SGCG: variants seen among roughly 807,000 people sequenced by gnomAD.
SGCG encodes the protein sarcoglycan gamma, also known as gamma-sarcoglycan.
A neutral mutation model predicts 29.3 loss-of-function variants in SGCG; 26 were observed. The observed-to-expected ratio is 0.89, with a 90% CI of 0.65 to 1.23. The LOEUF is 1.23. SGCG is among the 50% of genes most tolerant of loss of function. The probability of loss-of-function intolerance (pLI) is 0.00; values close to 1 mark genes in which losing one functional copy is unlikely to be tolerated. For synonymous variants in SGCG, 145 were observed against 129.7 expected (o/e 1.12, Z -0.80); for missense variants, 353 against 356.0 (o/e 0.99, Z 0.07).
upstream of SGCG, among the ~76,000 whole-genome samples, chr13:23,177,674 C>T (rs568874979): frequency 7.5e-4 from 109 of 146,204 alleles, no homozygotes; most frequent in Non-Finnish European, 1.3e-3. Context: ...CAGGTTCAAG[C>T]GATTGTCCTG....
At chr13:23,185,003 G>T (rs1050083906) in intron 1 of SGCG, among the ~76,000 whole-genome samples, 1 of 152,184 alleles carries the variant, frequency 6.6e-6, no homozygotes, top group Non-Finnish European at 1.5e-5. Context: ...AATAACAAGA[G>T]TAACACCAGT....
chr13:23,243,026 ATAGAT>A (rs1272607269), intron 3 of SGCG, among the ~76,000 whole-genome samples: 2 of 152,206 alleles, frequency 1.3e-5, no homozygotes, highest in African/African-American at 4.8e-5. Flanking sequence ...TCTTAAAAAT[ATAGAT>A]TAAAGAGCAA....
At chr13:23,195,929 A>G (rs12856752) in intron 1 of SGCG, among the ~76,000 whole-genome samples, 68,437 of 151,388 alleles carry the variant, frequency 0.45, 15,644 homozygotes, top group Admixed American at 0.51. Flanking sequence ...TATCAATTCT[A>G]TAAATTGAAA....
At chr13:23,191,532 A>G (rs1408978058) in intron 1 of SGCG, among the ~76,000 whole-genome samples, 1 of 151,848 alleles carries the variant, frequency 6.6e-6, no homozygotes, top group African/African-American at 2.4e-5. Context: ...TGCATCCTAG[A>G]CCTGTGCTGG....
At chr13:23,165,599 A>G in the SGCG span, among the ~76,000 whole-genome samples, 1 of 150,670 alleles carries the variant, frequency 6.6e-6, no homozygotes, top group South Asian at 2.1e-4. Context: ...GTGTGCGTTC[A>G]CTGCAACCTC....
chr13:23,242,614 C>T (rs1482519336), intron 3 of SGCG, among the ~76,000 whole-genome samples: 3 of 152,134 alleles, frequency 2.0e-5, no homozygotes, highest in Admixed American at 6.5e-5. Flanking sequence ...AAAATGTTCT[C>T]CTTATACCTT....
rs531146696 is a variant in SGCG, at chr13:23,252,563, C to T, written c.385+1846C>T. On this transcript the variant is annotated intron_variant, in intron 4 of 7. Coordinates refer to ENST00000218867, the MANE Select transcript of SGCG (RefSeq NM_000231.3). ...AAAATTAGCCGGGCGTGGTGGCGGT[C>T]GCCTGTAGTCTCAGCTACTTGGGCG... Among the ~76,000 whole-genome samples the T allele has an allele frequency of 1.2e-4, 19 of 152,052 alleles. No homozygotes were observed. In the East Asian group the frequency reaches 1.6e-3, roughly 12 times the overall value.
intron 6 of SGCG, among the ~76,000 whole-genome samples, chr13:23,314,271 A>G (rs1163802677): frequency 6.7e-6 from 1 of 148,360 alleles, no homozygotes; most frequent in Non-Finnish European, 1.5e-5. Context: ...AGAGGGACAG[A>G]ACTAATAAGA....
chr13:23,243,874 C>G (rs1389386549), intron 3 of SGCG: 2 of 152,112 alleles, frequency 1.3e-5, no homozygotes, highest in Non-Finnish European at 2.9e-5. Context: ...AACTCATTAT[C>G]ATGCTAATTA....
At chr13:23,248,685 C>T (rs1879828677) in intron 3 of SGCG, among the ~76,000 whole-genome samples, 3 of 143,602 alleles carry the variant, frequency 2.1e-5, no homozygotes, top group South Asian at 4.5e-4. Flanking sequence ...CGGAACTAGA[C>T]TCCGTCTCAA....
At chr13:23,192,700 G>A (rs1877325941) in intron 1 of SGCG, among the ~76,000 whole-genome samples, 1 of 152,152 alleles carries the variant, frequency 6.6e-6, no homozygotes, top group Non-Finnish European at 1.5e-5. Flanking sequence ...CCGGCTGGTA[G>A]GGTCTTTATT....
At chr13:23,276,787 G>C (rs904465251) in intron 4 of SGCG, among the ~76,000 whole-genome samples, 10 of 152,196 alleles carry the variant, frequency 6.6e-5, no homozygotes, top group Admixed American at 3.9e-4. Context: ...GTCTCCGGAC[G>C]CTGCTCTTAG....
chr13:23,182,742 G>A (rs11841289), intron 1 of SGCG, among the ~76,000 whole-genome samples: 4,639 of 152,244 alleles, frequency 0.03, 167 homozygotes, highest in African/African-American at 0.083. Context: ...CTGCCTGCTC[G>A]ACTTCAGTAT....
chr13:23,255,230 G>A (rs1287135791), intron 4 of SGCG, among the ~76,000 whole-genome samples: 1 of 152,348 alleles, frequency 6.6e-6, no homozygotes, highest in Non-Finnish European at 1.5e-5. Flanking sequence ...ACCCTGTAAA[G>A]CCACAGGAGT....
At chr13:23,173,520 T>C in the SGCG span, among the ~76,000 whole-genome samples, 1 of 152,234 alleles carries the variant, frequency 6.6e-6, no homozygotes, top group Non-Finnish European at 1.5e-5. Context: ...GATCACTCTA[T>C]TTCTCTATAT....
Position 23,250,733 on chromosome 13 carries a change from T to G in SGCG, c.385+16T>G. The G allele has an allele frequency of 2.0e-6, 3 of 1,470,722 alleles. No homozygotes were observed. Among genetic ancestry groups the G allele is most frequent in the Non-Finnish European group, 2.9e-6 (3 of 1,049,636 alleles). The allele number at this position is 1,470,722 out of a possible 1,614,324, so 91.1% of individuals were successfully genotyped here. ...TTAAAAGTCGGTGAGTCCAGCTTCA[T>G]CATGGTGCTTTGCATGCATGTTGTC... On this transcript the variant is annotated intron_variant, in intron 4 of 7. Coordinates refer to ENST00000218867, the MANE Select transcript of SGCG (RefSeq NM_000231.3).
At chr13:23,205,251 A>G (rs1447000621) in intron 2 of SGCG, among the ~76,000 whole-genome samples, 1 of 152,222 alleles carries the variant, frequency 6.6e-6, no homozygotes, top group Non-Finnish European at 1.5e-5. Flanking sequence ...AACAGGATGC[A>G]TGTTTTTGCA....
chr13:23,253,872 T>C (rs1472590135), intron 4 of SGCG, among the ~76,000 whole-genome samples: 2 of 152,216 alleles, frequency 1.3e-5, no homozygotes, highest in African/African-American at 4.8e-5. Context: ...TCTCTCTTGC[T>C]CCTACTCTTA....
chr13:23,321,194 AAAG>A (rs1883028446), intron 7 of SGCG, among the ~76,000 whole-genome samples: 1 of 152,202 alleles, frequency 6.6e-6, no homozygotes, highest in African/African-American at 2.4e-5. Context: ...AATGAAAATG[AAAG>A]ATGAAAAATA....
Sources: allele counts gnomAD v4.1 joint callset (sites outside exome capture counted in the v4.1 genomes callset), GRCh38; gene constraint gnomAD v4.1.1; transcripts MANE v1.5; gene names NCBI Gene and HGNC (gene_info 2026-07-23, HGNC 2026-07-21).